LSAMP: variants seen among roughly 807,000 people sequenced by gnomAD.
LSAMP encodes the protein limbic system-associated membrane protein.
In LSAMP, 7 loss-of-function variants were observed where a neutral mutation model predicts 38.6. The ratio of observed to expected loss-of-function variants is 0.18; its 90% confidence interval spans 0.10 to 0.34. LSAMP has a LOEUF of 0.34. Among genes scored for constraint, LSAMP ranks in the 10% least tolerant of loss-of-function variants. The pLI, the probability that LSAMP is intolerant of heterozygous loss-of-function variation, is 1.00. For synonymous variants in LSAMP, 154 were observed against 166.8 expected (o/e 0.92, Z 0.59); for missense variants, 313 against 420.0 (o/e 0.75, Z 2.23).
chr3:115,830,342 A>C (rs1934569175), intron 6 of LSAMP, among the ~76,000 whole-genome samples: 4 of 152,258 alleles, frequency 2.6e-5, no homozygotes, highest in African/African-American at 9.6e-5. Flanking sequence ...GCAATACATA[A>C]AACAAATTAG....
intron 2 of LSAMP, among the ~76,000 whole-genome samples, chr3:116,021,433 GA>G (rs1940635579): frequency 6.6e-6 from 1 of 151,696 alleles, no homozygotes; most frequent in Non-Finnish European, 1.5e-5. Context: ...CCGTTATTTC[GA>G]GTTCACAGTT....
chr3:116,065,220 G>T (rs890774888), intron 2 of LSAMP, among the ~76,000 whole-genome samples: 3 of 152,172 alleles, frequency 2.0e-5, no homozygotes, highest in African/African-American at 7.2e-5. Context: ...TGTATGAGCA[G>T]TATGCTGAAG....
chr3:115,888,942 A>G (rs1936525042), intron 3 of LSAMP, among the ~76,000 whole-genome samples: 1 of 151,856 alleles, frequency 6.6e-6, no homozygotes. Flanking sequence ...AACCCTAAAG[A>G]TATTAGTCCC....
chr3:115,962,222 A>G (rs373670494), intron 3 of LSAMP, among the ~76,000 whole-genome samples: 11 of 152,190 alleles, frequency 7.2e-5, no homozygotes, highest in African/African-American at 2.4e-4. Flanking sequence ...AGAAGTTACT[A>G]TCTCCTGCAT....
chr3:115,898,258 A>G lies in LSAMP; in HGVS notation c.515-45641T>C, dbSNP rs546801137. On this transcript the variant is annotated intron_variant, in intron 3 of 6. Coordinates refer to ENST00000490035, the MANE Select transcript of LSAMP (RefSeq NM_002338.5). ...TAAAAAAATTAACAGATATTTTTCA[A>G]CTGTAGGAGTTCCTAAAACCTTTCA... Among the ~76,000 whole-genome samples, 10 of 152,276 alleles carry G rather than the reference A, an allele frequency of 6.6e-5. 1 individual carries two copies. In the South Asian group the frequency reaches 1.5e-3, roughly 22 times the overall value.
intron 1 of LSAMP, among the ~76,000 whole-genome samples, chr3:116,433,112 G>C (rs1179835215): frequency 6.6e-6 from 1 of 152,140 alleles, no homozygotes; most frequent in Admixed American, 6.5e-5. Flanking sequence ...GCTAGAGTGA[G>C]GTGTGTGTAA....
intron 1 of LSAMP, among the ~76,000 whole-genome samples, chr3:116,273,890 T>G (rs1409383181): frequency 3.3e-5 from 5 of 149,828 alleles, no homozygotes; most frequent in Non-Finnish European, 7.4e-5. Flanking sequence ...TCAAACACCT[T>G]CCTAGCATGC....
At chr3:115,951,680 T>C (rs1227680654) in intron 3 of LSAMP, among the ~76,000 whole-genome samples, 2 of 152,136 alleles carry the variant, frequency 1.3e-5, no homozygotes, top group African/African-American at 4.8e-5. Flanking sequence ...TTTAGTCTTC[T>C]GGCCTACATT....
At chr3:116,389,240 T>G (rs1235055219) in intron 1 of LSAMP, among the ~76,000 whole-genome samples, 1 of 152,166 alleles carries the variant, frequency 6.6e-6, no homozygotes, top group African/African-American at 2.4e-5. Flanking sequence ...GGCTCTCTAG[T>G]GTCTCTTCCA....
At chr3:116,269,929 G>A (rs534199919) in intron 1 of LSAMP, among the ~76,000 whole-genome samples, 1 of 152,148 alleles carries the variant, frequency 6.6e-6, no homozygotes, top group South Asian at 2.1e-4. Context: ...GTGTTTACTG[G>A]ACTTCTAATA....
chr3:116,164,739 TATCC>T (rs1471967903), intron 1 of LSAMP, among the ~76,000 whole-genome samples: 5 of 71,906 alleles, frequency 7.0e-5, no homozygotes, highest in African/African-American at 1.7e-4. Context: ...AATATATATA[TATCC>T]ATATATATAT....
intron 1 of LSAMP, among the ~76,000 whole-genome samples, chr3:116,289,920 C>T (rs1488116303): frequency 1.3e-5 from 2 of 152,202 alleles, no homozygotes; most frequent in African/African-American, 4.8e-5. Flanking sequence ...TATCACAGTA[C>T]AAAGCAGCTG....
chr3:116,139,291 T>C (rs1709321610), intron 1 of LSAMP, among the ~76,000 whole-genome samples: 1 of 151,986 alleles, frequency 6.6e-6, no homozygotes. Flanking sequence ...TCTTTGCCTT[T>C]AAACTTATTT....
intron 1 of LSAMP, among the ~76,000 whole-genome samples, chr3:116,248,789 C>A (rs1204466982): frequency 2.0e-5 from 3 of 152,020 alleles, no homozygotes; most frequent in African/African-American, 7.2e-5. Context: ...ATGAGCACAC[C>A]CATGTCTGTG....
intron 2 of LSAMP, among the ~76,000 whole-genome samples, chr3:116,022,390 C>A (rs759407841): frequency 2.5e-4 from 38 of 152,094 alleles, no homozygotes; most frequent in Non-Finnish European, 4.3e-4. Flanking sequence ...ATCGTCATTT[C>A]CCATCCACAC....
intron 2 of LSAMP, among the ~76,000 whole-genome samples, chr3:116,078,795 C>T (rs544704652): frequency 1.6e-4 from 24 of 152,264 alleles, no homozygotes; most frequent in African/African-American, 5.5e-4. Context: ...TACATTCTTA[C>T]TTCCTGGCCC....
At position 116,157,037 on chromosome 3, in the gene LSAMP, T is replaced by C. The variant is rs376664371; in HGVS notation, c.156-70481A>G. ...GAGGTTATATGCGGAGCACTGGAGG[T>C]GATCAATCTTAGCCCAGATTAGTGG... On this transcript the variant is annotated intron_variant, in intron 1 of 6. Coordinates refer to ENST00000490035, the MANE Select transcript of LSAMP (RefSeq NM_002338.5). Among the ~76,000 whole-genome samples the C allele has an allele frequency of 2.6e-5, 4 of 152,134 alleles. 1 individual carries two copies. The highest frequency in any genetic ancestry group is 7.2e-5 in the African/African-American group (3 of 41,522).
intron 1 of LSAMP, among the ~76,000 whole-genome samples, chr3:116,134,371 A>G (rs1709200335): frequency 6.6e-6 from 1 of 152,168 alleles, no homozygotes; most frequent in Non-Finnish European, 1.5e-5. Context: ...CTTAAAAAAA[A>G]AGAAAGAAAT....
intron 3 of LSAMP, among the ~76,000 whole-genome samples, chr3:115,890,855 T>C (rs561534296): frequency 6.6e-6 from 1 of 151,932 alleles, no homozygotes; most frequent in South Asian, 2.1e-4. Context: ...CCTAGATATA[T>C]AGAGATATTG....
Sources: gnomAD v4.1 joint callset for allele counts (sites outside exome capture counted in the v4.1 genomes callset) on GRCh38, gnomAD v4.1.1 for gene constraint, MANE v1.5 for transcripts, NCBI Gene and HGNC (gene_info 2026-07-23, HGNC 2026-07-21) for gene names.